Variants in TMEM132C observed in about 807,000 individuals in gnomAD.
TMEM132C encodes the protein protein phosphatase 1, regulatory subunit 152.
Under a neutral mutation model 61.4 loss-of-function variants are expected in TMEM132C, and 29 were observed. That is an observed-to-expected ratio of 0.47 (90% CI 0.35 to 0.64). The LOEUF is 0.64. Among genes scored for constraint, TMEM132C ranks in the 30% least tolerant of loss-of-function variants. The probability of loss-of-function intolerance (pLI) is 0.00; values close to 1 mark genes in which losing one functional copy is unlikely to be tolerated. For synonymous variants in TMEM132C, 656 were observed against 633.1 expected (o/e 1.04, Z -0.54); for missense variants, 1,408 against 1,476.9 (o/e 0.95, Z 0.76).
chr12:128,647,707 T>G (rs1954220451), intron 4 of TMEM132C, among the ~76,000 whole-genome samples: 1 of 147,060 alleles, frequency 6.8e-6, no homozygotes, highest in Non-Finnish European at 1.5e-5. Context: ...GTTTGCTAGA[T>G]CCCATCAGTG....
At chr12:128,349,359 C>T (rs1314580910) in intron 1 of TMEM132C, among the ~76,000 whole-genome samples, 1 of 152,192 alleles carries the variant, frequency 6.6e-6, no homozygotes. Context: ...TGCTGCAGGG[C>T]AGAGCTGCCT....
intron 1 of TMEM132C, among the ~76,000 whole-genome samples, chr12:128,340,716 T>TCTTC (rs201786533): frequency 1.8e-4 from 27 of 151,674 alleles, no homozygotes; most frequent in East Asian, 3.9e-4. Flanking sequence ...TCTTTCTCTT[T>TCTTC]CTTCCTTCCT....
At chr12:128,411,642 G>A (rs978211554) in intron 1 of TMEM132C, among the ~76,000 whole-genome samples, 65 of 152,020 alleles carry the variant, frequency 4.3e-4, no homozygotes, top group African/African-American at 1.5e-3. Context: ...AGGAATCCTG[G>A]TTTCTTTTAG....
intron 3 of TMEM132C, among the ~76,000 whole-genome samples, chr12:128,606,903 G>A (rs186101130): frequency 3.2e-4 from 48 of 152,294 alleles, no homozygotes; most frequent in African/African-American, 1.1e-3. Flanking sequence ...TCCTGTTATT[G>A]CTGGGGCTCA....
intron 1 of TMEM132C, among the ~76,000 whole-genome samples, chr12:128,374,783 G>A (rs1043302230): frequency 3.3e-5 from 5 of 151,906 alleles, no homozygotes; most frequent in African/African-American, 7.3e-5. Flanking sequence ...AGCCACGTGC[G>A]GTGGCAGGTG....
At chr12:128,678,881 A>T (rs1954613399) in intron 5 of TMEM132C, among the ~76,000 whole-genome samples, 1 of 152,118 alleles carries the variant, frequency 6.6e-6, no homozygotes, top group Non-Finnish European at 1.5e-5. Flanking sequence ...CTGTGGGAGG[A>T]CGCTCATTGC....
intron 1 of TMEM132C, among the ~76,000 whole-genome samples, chr12:128,364,808 G>T (rs1873812860): frequency 6.6e-6 from 1 of 152,174 alleles, no homozygotes; most frequent in African/African-American, 2.4e-5. Flanking sequence ...GAGGGCTTCT[G>T]ATTCCCACTA....
chr12:128,529,713 G>A (rs1873217189), intron 2 of TMEM132C, among the ~76,000 whole-genome samples: 1 of 152,178 alleles, frequency 6.6e-6, no homozygotes, highest in South Asian at 2.1e-4. Flanking sequence ...TTGAACCTGG[G>A]AGGTGGAGGT....
chr12:128,698,566 G>T (rs1362059112), intron 8 of TMEM132C, among the ~76,000 whole-genome samples: 1 of 152,200 alleles, frequency 6.6e-6, no homozygotes, highest in Non-Finnish European at 1.5e-5. Flanking sequence ...AATTAAATTA[G>T]GCTTAACGAT....
chr12:128,535,344 C>A (rs571382570), intron 2 of TMEM132C, among the ~76,000 whole-genome samples: 1 of 151,814 alleles, frequency 6.6e-6, no homozygotes, highest in South Asian at 2.1e-4. Context: ...ATCCATCTGA[C>A]AAAGGGCTAA....
At chr12:128,515,338 C>T (rs781206966) in intron 2 of TMEM132C, among the ~76,000 whole-genome samples, 7 of 152,268 alleles carry the variant, frequency 4.6e-5, no homozygotes, top group South Asian at 2.1e-4. Context: ...GCAGGAGCTG[C>T]GGCAGCCTTT....
chr12:128,664,128 GGGCACTCACACAGGCACACACACATGCGC>G (rs1954431970), intron 4 of TMEM132C, among the ~76,000 whole-genome samples: 2 of 100,672 alleles, frequency 2.0e-5, no homozygotes, highest in African/African-American at 4.3e-5. Context: ...GCACGCACGC[GGGCACTCACACAGGCACACACACATGCGC>G]ACAGGCACAC....
At chr12:128,344,931 T>TC (rs1024675129) in intron 1 of TMEM132C, among the ~76,000 whole-genome samples, 3 of 151,260 alleles carry the variant, frequency 2.0e-5, no homozygotes, top group African/African-American at 7.3e-5. Flanking sequence ...GTTTCTTTTT[T>TC]TTTTTTTTTT....
At chr12:128,485,632 A>G (rs1473353485) in intron 2 of TMEM132C, among the ~76,000 whole-genome samples, 1 of 151,972 alleles carries the variant, frequency 6.6e-6, no homozygotes, top group African/African-American at 2.4e-5. Flanking sequence ...GGATACTGCA[A>G]AACACCCCAA....
At chr12:128,409,154 C>A (rs962907757) in intron 1 of TMEM132C, among the ~76,000 whole-genome samples, 1 of 152,148 alleles carries the variant, frequency 6.6e-6, no homozygotes, top group African/African-American at 2.4e-5. Context: ...GAGTGTGTAG[C>A]AAGTTCTTAG....
chr12:128,417,069 A>G (rs1868806887), intron 2 of TMEM132C, among the ~76,000 whole-genome samples: 2 of 152,124 alleles, frequency 1.3e-5, no homozygotes, highest in Non-Finnish European at 2.9e-5. Flanking sequence ...GGGAGAGTCA[A>G]TATTCAGAAA....
intron 1 of TMEM132C, among the ~76,000 whole-genome samples, chr12:128,273,660 C>T (rs1489781802): frequency 6.6e-6 from 1 of 151,992 alleles, no homozygotes; most frequent in Non-Finnish European, 1.5e-5. Context: ...TCTATGGTTC[C>T]ATTTTATCTC....
Position 128,507,609 on chromosome 12 carries a change from T to C in TMEM132C, c.975-36348T>C, listed in dbSNP as rs1326526424. Among the ~76,000 whole-genome samples the C allele has an allele frequency of 2.6e-5, 4 of 152,042 alleles. No individual in the cohort carries two copies. The East Asian group carries it at 7.7e-4, about 29-fold the overall frequency. ...CAACATGACGGGGAGCTGCTTCAGG[T>C]TTTTTCTGGGCTGTTTTCAGGGCTG... On this transcript the variant is annotated intron_variant, in intron 2 of 8. Coordinates refer to ENST00000435159, the MANE Select transcript of TMEM132C (RefSeq NM_001136103.3).
chr12:128,491,522 C>T (rs1211031791), intron 2 of TMEM132C, among the ~76,000 whole-genome samples: 1 of 152,154 alleles, frequency 6.6e-6, no homozygotes, highest in Non-Finnish European at 1.5e-5. Context: ...AAATTGCCAA[C>T]AGCCCAATGG....
Sources: allele counts gnomAD v4.1 joint callset (sites outside exome capture counted in the v4.1 genomes callset), GRCh38; gene constraint gnomAD v4.1.1; transcripts MANE v1.5; gene names NCBI Gene and HGNC (gene_info 2026-07-23, HGNC 2026-07-21).